Variants in CCDC6 observed in about 807,000 individuals in gnomAD.
CCDC6 encodes coiled-coil domain-containing protein 6.
Under a neutral mutation model 56.6 loss-of-function variants are expected in CCDC6, and 20 were observed. The observed-to-expected ratio is 0.35, with a 90% CI of 0.25 to 0.51. The LOEUF (loss-of-function observed/expected upper bound fraction) is 0.51. Ranked by LOEUF, CCDC6 falls within the 20% of genes least tolerant of loss-of-function variation. The probability of loss-of-function intolerance (pLI) is 0.95; values close to 1 mark genes in which losing one functional copy is unlikely to be tolerated. For missense variants in CCDC6, 367 were observed against 601.1 expected (o/e 0.61, Z 4.07); for synonymous variants, 241 against 234.4 (o/e 1.03, Z -0.26).
chr10:59,795,200 G>T (rs1407363510), intron 7 of CCDC6, among the ~76,000 whole-genome samples: 2 of 152,058 alleles, frequency 1.3e-5, no homozygotes, highest in Non-Finnish European at 2.9e-5. Flanking sequence ...GGAGATATTT[G>T]CAAACCATAT....
In CCDC6 at chr10:59,800,008, G is replaced by C. The variant is rs114603731; in HGVS notation, c.1105+4412C>G. ...CCCATCTCAAAAGCTCTCTAAGCTGGTCGCTCTCTCCTCTTTGAACCTCTT... is the reference window on the plus strand; with the variant it reads ...CCCATCTCAAAAGCTCTCTAAGCTGCTCGCTCTCTCCTCTTTGAACCTCTT... On this transcript the variant is annotated intron_variant, in intron 7 of 8. Transcript: ENST00000263102. Among the ~76,000 whole-genome samples, 7 of 152,284 alleles carry C rather than the reference G, an allele frequency of 4.6e-5. No individual in the cohort carries two copies. The East Asian group carries it at 1.2e-3, about 25-fold the overall frequency.
intron 8 of CCDC6, 63 bp from the exon 9 acceptor site, chr10:59,793,174 C>A (rs2070484045): frequency 1.4e-6 from 2 of 1,400,070 alleles, no homozygotes; most frequent in Admixed American, 1.9e-5. Context: ...CTACCTAACA[C>A]AGCCTGACTT....
chr10:59,878,032 G>A (rs2071299766), intron 1 of CCDC6, among the ~76,000 whole-genome samples: 1 of 152,160 alleles, frequency 6.6e-6, no homozygotes. Context: ...GAATTTAGAT[G>A]CCATTTCAAA....
intron 3 of CCDC6, among the ~76,000 whole-genome samples, chr10:59,828,263 T>C (rs1215061262): frequency 6.6e-6 from 1 of 152,150 alleles, no homozygotes; most frequent in African/African-American, 2.4e-5. Context: ...GCCACCAGTG[T>C]TTGTTTAGAA....
intron 2 of CCDC6, among the ~76,000 whole-genome samples, chr10:59,841,636 G>A (rs1391724228): frequency 6.6e-6 from 1 of 151,504 alleles, no homozygotes. Context: ...ATCAATATAG[G>A]TAAATGCAGC....
At chr10:59,873,220 T>C (rs2071246991) in intron 1 of CCDC6, among the ~76,000 whole-genome samples, 2 of 152,170 alleles carry the variant, frequency 1.3e-5, no homozygotes, top group African/African-American at 4.8e-5. Context: ...CCCCACATAC[T>C]TGTGAATGTG....
intron 1 of CCDC6, among the ~76,000 whole-genome samples, chr10:59,872,191 G>A (rs1041443353): frequency 1.3e-5 from 2 of 152,178 alleles, no homozygotes; most frequent in African/African-American, 2.4e-5. Flanking sequence ...TCACTGATGT[G>A]CCAAAACCAT....
intron 3 of CCDC6, among the ~76,000 whole-genome samples, chr10:59,817,583 A>G (rs952161369): frequency 1.3e-5 from 2 of 152,196 alleles, no homozygotes; most frequent in African/African-American, 4.8e-5. Context: ...GTTGATAAGC[A>G]AGAAAAAAAT....
At chr10:59,846,964 A>G (rs1407383931) in intron 2 of CCDC6, among the ~76,000 whole-genome samples, 3 of 152,246 alleles carry the variant, frequency 2.0e-5, no homozygotes, top group Non-Finnish European at 2.9e-5. Flanking sequence ...CAATTGCTAA[A>G]ACCATGATCA....
intron 1 of CCDC6, among the ~76,000 whole-genome samples, chr10:59,862,530 C>T (rs1327173992): frequency 0.05 from 5,202 of 103,548 alleles, 740 homozygotes; most frequent in African/African-American, 0.21. Flanking sequence ...CACACACACA[C>T]ACACACACAC....
intron 2 of CCDC6, among the ~76,000 whole-genome samples, chr10:59,850,055 T>C (rs2071024724): frequency 6.6e-6 from 1 of 152,176 alleles, no homozygotes; most frequent in Non-Finnish European, 1.5e-5. Flanking sequence ...TATCAAAAAA[T>C]AGACATGTTG....
intron 3 of CCDC6, among the ~76,000 whole-genome samples, chr10:59,823,546 T>G (rs1049465101): frequency 6.6e-6 from 1 of 152,212 alleles, no homozygotes; most frequent in African/African-American, 2.4e-5. Context: ...TGGCAAGACT[T>G]TGTTGTCTCC....
rs2071365686 is a variant in CCDC6 at position 59,884,064 on chromosome 10, C to G, written c.303+22058G>C. On this transcript the variant is annotated intron_variant, in intron 1 of 8. Coordinates refer to ENST00000263102, the MANE Select transcript of CCDC6 (RefSeq NM_005436.5). ...CCTAACATCAACCAATCTGTAGATT[C>G]TTACTAAGAGAAGCATTTGGTACTA... Among the ~76,000 whole-genome samples the G allele has an allele frequency of 2.6e-5, 4 of 152,310 alleles. No homozygotes were observed. In the South Asian group the frequency reaches 8.3e-4, roughly 32 times the overall value.
chr10:59,793,035 G>C lies in CCDC6; in HGVS notation c.1307C>G (p.Thr436Ser). The C allele has an allele frequency of 1.2e-6, 2 of 1,613,920 alleles. No homozygotes were observed. The highest frequency in any genetic ancestry group is 1.7e-6 in the Non-Finnish European group (2 of 1,179,792). Reference sequence around the variant, plus strand: ...TGGAGGCGGAGGTGGCTGGACTGGGGTCTGTGTGTTGGGAGATGGAGGCGG... The same window carrying C: ...TGGAGGCGGAGGTGGCTGGACTGGGCTCTGTGTGTTGGGAGATGGAGGCGG... The part of the protein sequence containing the change: ...PTPPPSPNTQ[T>S]PVQPPPPPPP... Residue 436 changes from threonine to serine, a missense_variant, in exon 9 of 9, where the codon ACC (threonine) becomes AGC (serine). Thr to Ser is a moderately conservative substitution (Grantham distance 58). Transcript: ENST00000263102.
In CCDC6 at chr10:59,792,803, T is replaced by C; in HGVS notation, c.*114A>G. On this transcript the variant is annotated 3_prime_UTR_variant, in exon 9 of 9. Coordinates refer to ENST00000263102, the MANE Select transcript of CCDC6 (RefSeq NM_005436.5). Reference sequence around the variant, plus strand: ...AACACAATGGATAGTGAAGCCTAGATAACCTCAGTGCAAATAAGTCATATC... The same window carrying C: ...AACACAATGGATAGTGAAGCCTAGACAACCTCAGTGCAAATAAGTCATATC... 9.5e-7 allele frequency: 1 copy of C among 1,049,652 alleles called. No homozygotes were observed. Among genetic ancestry groups the C allele is most frequent in the Non-Finnish European group, 1.5e-6 (1 of 669,568 alleles). 65.0% of individuals were successfully genotyped at this position (1,049,652 alleles called of 1,614,324 possible).
intron 3 of CCDC6, among the ~76,000 whole-genome samples, chr10:59,815,611 A>G (rs1396697904): frequency 6.6e-6 from 1 of 152,196 alleles, no homozygotes; most frequent in African/African-American, 2.4e-5. Context: ...AGAGACTGAA[A>G]GTGCAAGAGG....
chr10:59,822,503 A>C (rs1224553338), intron 3 of CCDC6, among the ~76,000 whole-genome samples: 1 of 152,174 alleles, frequency 6.6e-6, no homozygotes, highest in African/African-American at 2.4e-5. Context: ...CTTTTACTAC[A>C]TCAAGAGTTC....
chr10:59,879,247 T>C (rs1056887686), intron 1 of CCDC6, among the ~76,000 whole-genome samples: 1 of 152,222 alleles, frequency 6.6e-6, no homozygotes, highest in Non-Finnish European at 1.5e-5. Context: ...ATGTTCTAAA[T>C]ATACTTCCTG....
chr10:59,807,866 G>A (rs777672806), intron 5 of CCDC6, among the ~76,000 whole-genome samples: 1 of 152,118 alleles, frequency 6.6e-6, no homozygotes, highest in Non-Finnish European at 1.5e-5. Context: ...TGGCATTCCC[G>A]CTGTGCACAG....
Sources: gnomAD v4.1 joint callset for allele counts (sites outside exome capture counted in the v4.1 genomes callset) on GRCh38, gnomAD v4.1.1 for gene constraint, MANE v1.5 for transcripts, NCBI Gene and HGNC (gene_info 2026-07-23, HGNC 2026-07-21) for gene names.